NDST4: variants seen among roughly 807,000 people sequenced by gnomAD.
NDST4 encodes the protein N-deacetylase and N-sulfotransferase 4, also known as N-heparan sulfate sulfotransferase 4.
A neutral mutation model predicts 100.8 loss-of-function variants in NDST4; 63 were observed. The ratio of observed to expected loss-of-function variants is 0.62; its 90% confidence interval spans 0.51 to 0.77. The LOEUF (loss-of-function observed/expected upper bound fraction) is 0.77. NDST4 is among the 30% of genes least tolerant of loss of function. The pLI is 0.00. For missense variants in NDST4, 943 were observed against 1,018.4 expected (o/e 0.93, Z 1.01); for synonymous variants, 377 against 361.8 (o/e 1.04, Z -0.48).
At chr4:115,012,125 A>G (rs924586978) in intron 2 of NDST4, among the ~76,000 whole-genome samples, 2 of 151,934 alleles carry the variant, frequency 1.3e-5, no homozygotes, top group East Asian at 1.9e-4. Flanking sequence ...ATAACAAAAA[A>G]TTACAAACCA....
chr4:115,016,260 C>G (rs915460201), intron 2 of NDST4, among the ~76,000 whole-genome samples: 17 of 152,014 alleles, frequency 1.1e-4, no homozygotes, highest in Admixed American at 6.6e-5. Flanking sequence ...AAGTAGGTGG[C>G]AATTCTTTGC....
chr4:115,079,402 G>T (rs1025689024), intron 1 of NDST4, among the ~76,000 whole-genome samples: 1 of 149,842 alleles, frequency 6.7e-6, no homozygotes, highest in Admixed American at 6.6e-5. Context: ...GCTTCATCAC[G>T]AATGGACATA....
intron 2 of NDST4, among the ~76,000 whole-genome samples, chr4:115,029,662 T>C (rs1384399300): frequency 3.3e-5 from 5 of 152,096 alleles, no homozygotes; most frequent in African/African-American, 1.2e-4. Flanking sequence ...GTTTGCCAGA[T>C]GCTCAAATGA....
Position 115,076,693 on chromosome 4 carries a change from C to T in NDST4, c.344G>A (p.Gly115Glu). 1 of 1,613,898 alleles carries T rather than the reference C, an allele frequency of 6.2e-7. No individual in the cohort carries two copies. Among genetic ancestry groups the T allele is most frequent in the South Asian group, 1.1e-5 (1 of 91,086 alleles). The change falls in exon 2 of 14, where the codon GGA (glycine) becomes GAA (glutamate). Residue 115 changes from glycine (G) to glutamate (E), a missense_variant. Transcript: ENST00000264363. Reference sequence around the variant, plus strand: ...ATTATCTGTAAGAGGAGGTATATCTCCCTTTCCAGGGGCAATAACCATGTG... The same window carrying T: ...ATTATCTGTAAGAGGAGGTATATCTTCCTTTCCAGGGGCAATAACCATGTG... Reference protein sequence around the residue: ...QYHMVIAPGKGDIPPLTDNGK... With the variant: ...QYHMVIAPGKEDIPPLTDNGK...
intron 6 of NDST4, among the ~76,000 whole-genome samples, chr4:114,894,688 A>G (rs964101769): frequency 6.6e-6 from 1 of 152,204 alleles, no homozygotes; most frequent in Admixed American, 6.5e-5. Context: ...ATCTGCAAAC[A>G]GAGACAACCT....
intron 6 of NDST4, among the ~76,000 whole-genome samples, chr4:114,929,005 T>C (rs1379864605): frequency 6.6e-6 from 1 of 151,838 alleles, no homozygotes; most frequent in Non-Finnish European, 1.5e-5. Flanking sequence ...TCTCTGCCTC[T>C]CTCTATATCC....
At chr4:114,937,109 G>C (rs1725645768) in intron 5 of NDST4, among the ~76,000 whole-genome samples, 1 of 152,152 alleles carries the variant, frequency 6.6e-6, no homozygotes, top group Admixed American at 6.5e-5. Flanking sequence ...GCTTGTTTTA[G>C]ATTTGCCAAA....
At chr4:115,109,632 C>T (rs1729901565) in intron 1 of NDST4, among the ~76,000 whole-genome samples, 1 of 151,878 alleles carries the variant, frequency 6.6e-6, no homozygotes, top group Non-Finnish European at 1.5e-5. Context: ...TATTCTCAAG[C>T]ATTCAGACAT....
chr4:114,956,616 T>G (rs1441420256), intron 4 of NDST4, among the ~76,000 whole-genome samples: 1 of 152,148 alleles, frequency 6.6e-6, no homozygotes, highest in Non-Finnish European at 1.5e-5. Flanking sequence ...CACTTCTGAC[T>G]AAGCTCTATT....
At chr4:115,031,200 G>C (rs553469254) in intron 2 of NDST4, among the ~76,000 whole-genome samples, 1 of 152,112 alleles carries the variant, frequency 6.6e-6, no homozygotes, top group Non-Finnish European at 1.5e-5. Flanking sequence ...AGAAAGGGGA[G>C]TGGTCTGTTC....
intron 3 of NDST4, among the ~76,000 whole-genome samples, chr4:114,971,954 A>G (rs1004771920): frequency 2.6e-5 from 4 of 152,052 alleles, no homozygotes; most frequent in Non-Finnish European, 4.4e-5. Context: ...ACAGGGTCTT[A>G]GTGAAGAGTT....
chr4:115,026,499 ATGTAT>A (rs1422221437), intron 2 of NDST4, among the ~76,000 whole-genome samples: 1 of 151,948 alleles, frequency 6.6e-6, no homozygotes, highest in Non-Finnish European at 1.5e-5. Context: ...GATTATACAC[ATGTAT>A]TTATGTATGT....
At chr4:115,001,222 T>C (rs1037305146) in intron 2 of NDST4, among the ~76,000 whole-genome samples, 1 of 152,142 alleles carries the variant, frequency 6.6e-6, no homozygotes, top group Non-Finnish European at 1.5e-5. Flanking sequence ...CTTGGTTTTC[T>C]GGCATTGCAT....
chr4:115,078,418 G>T (rs558005257), intron 1 of NDST4, among the ~76,000 whole-genome samples: 40 of 152,286 alleles, frequency 2.6e-4, no homozygotes, highest in African/African-American at 7.7e-4. Flanking sequence ...TGAAATACAA[G>T]CTAAGGAGGT....
At chr4:115,087,498 T>A (rs186052716) in intron 1 of NDST4, among the ~76,000 whole-genome samples, 1,807 of 151,614 alleles carry the variant, frequency 0.012, 34 homozygotes, top group African/African-American at 0.042. Context: ...TTCTCTAGAA[T>A]TTTTTTCTTT....
chr4:114,912,042 G>A (rs1425262030), intron 6 of NDST4, among the ~76,000 whole-genome samples: 1 of 152,124 alleles, frequency 6.6e-6, no homozygotes, highest in African/African-American at 2.4e-5. Context: ...TAAATTTGGT[G>A]CAAAGCTTTC....
At chr4:115,053,704 A>G (rs1728634991) in intron 2 of NDST4, among the ~76,000 whole-genome samples, 2 of 152,162 alleles carry the variant, frequency 1.3e-5, no homozygotes, top group African/African-American at 2.4e-5. Flanking sequence ...ACATGTTTTT[A>G]CACTGTGCAG....
At chr4:114,844,859 A>G (rs1022530242) in intron 10 of NDST4, among the ~76,000 whole-genome samples, 2 of 152,160 alleles carry the variant, frequency 1.3e-5, no homozygotes, top group African/African-American at 4.8e-5. Context: ...TTCCCTTATG[A>G]TCAATTACAG....
At chr4:114,840,651 A>G (rs1723405413) in intron 10 of NDST4, among the ~76,000 whole-genome samples, 1 of 152,230 alleles carries the variant, frequency 6.6e-6, no homozygotes, top group Non-Finnish European at 1.5e-5. Context: ...GGACTTCGTC[A>G]TCTAAGGTAA....
Sources: gnomAD v4.1 joint callset for allele counts (sites outside exome capture counted in the v4.1 genomes callset) on GRCh38, gnomAD v4.1.1 for gene constraint, MANE v1.5 for transcripts, NCBI Gene and HGNC (gene_info 2026-07-23, HGNC 2026-07-21) for gene names.